Variants in MAT2A observed in about 807,000 individuals in gnomAD.
The protein encoded by MAT2A is methionine adenosyltransferase 2A, also known as S-adenosylmethionine synthase isoform type-2.
Under a neutral mutation model 43.9 loss-of-function variants are expected in MAT2A, and 3 were observed. The ratio of observed to expected loss-of-function variants is 0.07; its 90% CI spans 0.03 to 0.18. MAT2A has a LOEUF of 0.18. Ranked by LOEUF, MAT2A falls within the 10% of genes least tolerant of loss-of-function variation. The pLI is 1.00. For missense variants in MAT2A, 204 were observed against 489.0 expected, an observed-to-expected ratio of 0.42 and a Z score of 5.50; for synonymous variants, 200 against 168.4, an observed-to-expected ratio of 1.19 and a Z score of -1.45.
At chr2:85,539,634 G>C (rs1258134985) in intron 1 of MAT2A, 1 of 357,180 alleles carries the variant, frequency 2.8e-6, no homozygotes, top group Non-Finnish European at 5.1e-6. Context: ...GCATGCGGAA[G>C]GTTCCAGAAA....
intron 7 of MAT2A, 68 bp from the exon 8 acceptor site, chr2:85,542,833 A>C: frequency 6.4e-7 from 1 of 1,570,806 alleles, no homozygotes. Flanking sequence ...CTTGTTTTAT[A>C]CCAACGTATT....
At chr2:85,540,857 C>T (rs1691459467) in intron 1 of MAT2A, among the ~76,000 whole-genome samples, 1 of 152,140 alleles carries the variant, frequency 6.6e-6, no homozygotes, top group African/African-American at 2.4e-5. Context: ...AAATTCTGTT[C>T]TTTAAAGGAT....
At chr2:85,539,507 G>C in intron 1 of MAT2A, 129 bp downstream of exon 1, 1 of 628,804 alleles carries the variant, frequency 1.6e-6, no homozygotes, top group Non-Finnish European at 2.5e-6. Context: ...GAAGAGCGGC[G>C]ACCGCGCGCT....
intron 1 of MAT2A, 145 bp downstream of exon 1, chr2:85,539,523 C>G: frequency 1.8e-6 from 1 of 543,670 alleles, no homozygotes. Context: ...GCGCTTTCCT[C>G]GTGGCGCCGC....
intron 1 of MAT2A, among the ~76,000 whole-genome samples, chr2:85,540,506 T>G (rs1011339251): frequency 6.6e-6 from 1 of 152,160 alleles, no homozygotes; most frequent in Non-Finnish European, 1.5e-5. Context: ...TTTAGGCGGT[T>G]ATAGAAAATT....
At position 85,539,200 on chromosome 2, in the gene MAT2A, G is replaced by A. The variant is rs1484698635; in HGVS notation, c.-88G>A. On this transcript the variant is annotated 5_prime_UTR_variant, in exon 1 of 9. Transcript: ENST00000306434. ...CCGCGCCGCCCGCCTGCTACGAGTA[G>A]AACGCTGTCCGCAGCTTGCGCATTT... The A allele has an allele frequency of 7.4e-6, 7 of 951,988 alleles. No homozygotes were observed. The highest frequency in any genetic ancestry group is 6.5e-5 in the Admixed American group (3 of 46,474). The allele number at this position is 951,988 out of a possible 1,614,324, so 59.0% of individuals were successfully genotyped here. A position where few individuals can be genotyped will look rare whatever the true frequency, so the allele number is the denominator to read the frequency against.
intron 1 of MAT2A, chr2:85,540,088 G>T (rs1691428065): frequency 6.6e-6 from 1 of 152,280 alleles, no homozygotes; most frequent in Admixed American, 6.5e-5. Flanking sequence ...GCATGAATTA[G>T]GAGCTGCCAT....
At position 85,544,940 on chromosome 2, in the gene MAT2A, T is replaced by C. The variant is rs1305968246; in HGVS notation, c.*1168T>C. The C allele has an allele frequency of 6.6e-6, 1 of 150,380 alleles. No homozygotes were observed. Among genetic ancestry groups the C allele is most frequent in the African/African-American group, 2.4e-5 (1 of 40,994 alleles). 9.3% of individuals were successfully genotyped at this position (150,380 alleles called of 1,614,324 possible). A position where few individuals can be genotyped will look rare whatever the true frequency, so the allele number is the denominator to read the frequency against. Reference sequence around the variant, plus strand: ...CCTCAGATGGCAGCTTTTAAAAGATTTTTTTTTTTTCTCTCAACACCATGA... The same window carrying C: ...CCTCAGATGGCAGCTTTTAAAAGATCTTTTTTTTTTCTCTCAACACCATGA... On this transcript the variant is annotated 3_prime_UTR_variant, in exon 9 of 9. Transcript: ENST00000306434.
At chr2:85,541,778 C>G (rs1558797866) in intron 4 of MAT2A, 33 bp downstream of exon 4, 1 of 1,613,624 alleles carries the variant, frequency 6.2e-7, no homozygotes, top group East Asian at 2.2e-5. Flanking sequence ...TTAATCTCTT[C>G]TAACATTAAA....
At position 85,539,191 on chromosome 2, in the gene MAT2A, C is replaced by G. The variant is rs137950023; in HGVS notation, c.-97C>G. The stretch of plus-strand genomic sequence containing the variant: ...TCGTTCGCTCCGCGCCGCCCGCCTG[C>G]TACGAGTAGAACGCTGTCCGCAGCT... On this transcript the variant is annotated 5_prime_UTR_variant, in exon 1 of 9. Transcript: ENST00000306434. The G allele has an allele frequency of 1.3e-4, 116 of 877,746 alleles. No homozygotes were observed. The highest frequency in any genetic ancestry group is 1.2e-3 in the Middle Eastern group (5 of 4,150). The allele number at this position is 877,746 out of a possible 1,614,324, so 54.4% of individuals were successfully genotyped here. A position where few individuals can be genotyped will look rare whatever the true frequency, so the allele number is the denominator to read the frequency against.
rs917340680 is a variant in MAT2A, at chr2:85,543,954, A to G, written c.*182A>G. The G allele has an allele frequency of 9.4e-5, 52 of 551,942 alleles. No homozygotes were observed. The highest frequency in any genetic ancestry group is 8.4e-4 in the African/African-American group (44 of 52,426). The allele number at this position is 551,942 out of a possible 1,614,324, so 34.2% of individuals were successfully genotyped here. A position where few individuals can be genotyped will look rare whatever the true frequency, so the allele number is the denominator to read the frequency against. ...TGGGGGACTGTAAGTTGGGCTTGCT[A>G]TTCTGTCCCTAGGTGTTTTGTTCAC... is the stretch of plus-strand genomic sequence containing the variant. On this transcript the variant is annotated 3_prime_UTR_variant, in exon 9 of 9. Transcript: ENST00000306434.
intron 7 of MAT2A, 41 bp from the exon 8 acceptor site, chr2:85,542,860 C>T (rs1181309895): frequency 1.3e-6 from 2 of 1,599,004 alleles, no homozygotes; most frequent in Non-Finnish European, 1.7e-6. Flanking sequence ...GTATATGGGT[C>T]TTTGCAATCA....
rs1450205852 is a variant in MAT2A, at chr2:85,539,384, G to A, written c.91+6G>A. ...GGTCGGGGAAGGCCACCCAGGTGAG[G>A]GGACGGCCTGAAGCGAAGCGTGGGG... On this transcript the variant is annotated splice_donor_region_variant and intron_variant, in intron 1 of 8. Coordinates refer to ENST00000306434, the MANE Select transcript of MAT2A (RefSeq NM_005911.6). 2 of 1,598,384 alleles carry A rather than the reference G, an allele frequency of 1.3e-6. No individual in the cohort carries two copies. Among genetic ancestry groups the A allele is most frequent in the Non-Finnish European group, 1.7e-6 (2 of 1,173,298 alleles).
At chr2:85,542,529 A>AC in intron 6 of MAT2A, 36 bp from the exon 7 acceptor site, 1 of 1,593,096 alleles carries the variant, frequency 6.3e-7, no homozygotes, top group Non-Finnish European at 8.6e-7. Context: ...CTTGGAAAGC[A>AC]CTAGGCGTAA....
rs1691529178 is a variant in MAT2A at position 85,543,416 on chromosome 2, G to A, written c.1086-254G>A. 4 of 443,664 alleles carry A rather than the reference G, an allele frequency of 9.0e-6. No homozygotes were observed. The East Asian group carries it at 1.5e-4, about 17-fold the overall frequency. The allele number at this position is 443,664 out of a possible 1,614,324, so 27.5% of individuals were successfully genotyped here. On this transcript the variant is annotated intron_variant, in intron 8 of 8. Coordinates refer to ENST00000306434, the MANE Select transcript of MAT2A (RefSeq NM_005911.6). ...TTGTGTGATCTCAGGTGAGCTTTTT[G>A]ACAATTGAAATTTCTCAGAATAATG... is the stretch of plus-strand genomic sequence containing the variant.
chr2:85,539,555 CG>C (rs1240632279), intron 1 of MAT2A, 177 bp downstream of exon 1: 2 of 485,116 alleles, frequency 4.1e-6, no homozygotes, highest in Non-Finnish European at 7.3e-6. Flanking sequence ...GCGTGGCCGC[CG>C]CTCCTCTTCC....
intron 1 of MAT2A, chr2:85,539,671 T>G: frequency 3.8e-6 from 1 of 264,532 alleles, no homozygotes. Context: ...CTGTGGTCGC[T>G]AGTGAGTTCT....
At chr2:85,543,073 G>C (rs770177095) in intron 8 of MAT2A, 39 bp downstream of exon 8, 1 of 1,602,958 alleles carries the variant, frequency 6.2e-7, no homozygotes, top group South Asian at 1.1e-5. Flanking sequence ...AAGTATTGAG[G>C]GTGTTGGGTG....
At chr2:85,543,312 A>T in intron 8 of MAT2A, 1 of 431,842 alleles carries the variant, frequency 2.3e-6, no homozygotes, top group Non-Finnish European at 4.2e-6. Context: ...TTAAGAAAAT[A>T]GAGATAAAGT....
Sources: gnomAD v4.1 joint callset for allele counts (sites outside exome capture counted in the v4.1 genomes callset) on GRCh38, gnomAD v4.1.1 for gene constraint, MANE v1.5 for transcripts, NCBI Gene and HGNC (gene_info 2026-07-23, HGNC 2026-07-21) for gene names.